SLCO1A2: variants seen among roughly 807,000 people sequenced by gnomAD.
SLCO1A2 encodes the protein OATP-1.
Under a neutral mutation model 69.0 loss-of-function variants are expected in SLCO1A2, and 67 were observed. The observed-to-expected ratio is 0.97, with a 90% CI of 0.80 to 1.19. The LOEUF (loss-of-function observed/expected upper bound fraction) is 1.19, where lower values mean the gene tolerates loss of function less well. Ranked by LOEUF, SLCO1A2 falls within the 50% of genes most tolerant of loss-of-function variation. The pLI is 0.00. For synonymous variants in SLCO1A2, 260 were observed against 265.9 expected, an observed-to-expected ratio of 0.98 and a Z score of 0.22; for missense variants, 787 against 793.7, an observed-to-expected ratio of 0.99 and a Z score of 0.10.
chr12:21,303,171 T>G (rs189803749), intron 6 of SLCO1A2, among the ~76,000 whole-genome samples: 1 of 152,214 alleles, frequency 6.6e-6, no homozygotes, highest in East Asian at 1.9e-4. Context: ...GTACTAATAA[T>G]TATGTAGTTC....
upstream of SLCO1A2, among the ~76,000 whole-genome samples, chr12:21,418,592 T>G (rs1478184964): frequency 2.0e-5 from 3 of 152,092 alleles, no homozygotes; most frequent in Non-Finnish European, 4.4e-5. Flanking sequence ...GGAAAACCCC[T>G]TATAAAACCA....
chr12:21,305,139 G>A (rs1033520992), intron 5 of SLCO1A2, among the ~76,000 whole-genome samples: 1 of 152,226 alleles, frequency 6.6e-6, no homozygotes, highest in African/African-American at 2.4e-5. Flanking sequence ...TATAGAGCAT[G>A]TTGTATACTG....
intron 2 of SLCO1A2, among the ~76,000 whole-genome samples, chr12:21,321,112 A>G (rs1951558172): frequency 6.6e-6 from 1 of 152,158 alleles, no homozygotes; most frequent in Non-Finnish European, 1.5e-5. Flanking sequence ...CTATGTCTGA[A>G]TTACCATCTT....
chr12:21,405,990 C>A (rs966204766), intron 1 of SLCO1A2, among the ~76,000 whole-genome samples: 5 of 152,184 alleles, frequency 3.3e-5, no homozygotes, highest in African/African-American at 1.2e-4. Context: ...TGAGCACCTA[C>A]TCCATGCCAA....
intron 14 of SLCO1A2, among the ~76,000 whole-genome samples, chr12:21,273,742 A>AGAGAT (rs1279346101): frequency 6.6e-6 from 1 of 152,178 alleles, no homozygotes; most frequent in African/African-American, 2.4e-5. Context: ...GAATAGATGC[A>AGAGAT]GAGATGAATC....
chr12:21,339,285 T>C (rs532828802), upstream of SLCO1A2, among the ~76,000 whole-genome samples: 2 of 152,090 alleles, frequency 1.3e-5, no homozygotes, highest in African/African-American at 4.8e-5. Flanking sequence ...AGTTAAGTGA[T>C]GATGATAGCT....
chr12:21,392,309 C>T (rs1347332219), intron 1 of SLCO1A2, among the ~76,000 whole-genome samples: 8 of 152,204 alleles, frequency 5.3e-5, no homozygotes, highest in Non-Finnish European at 1.5e-5. Context: ...CTCTGGGTAA[C>T]CCATCGCTGG....
chr12:21,275,513 C>T, intron 12 of SLCO1A2, 89 bp from the exon 13 acceptor site: 1 of 1,240,926 alleles, frequency 8.1e-7, no homozygotes, highest in Non-Finnish European at 1.0e-6. Context: ...AAGCTAGTCA[C>T]ACATAATGAA....
chr12:21,406,662 C>G (rs952238906), intron 1 of SLCO1A2, among the ~76,000 whole-genome samples: 2 of 152,180 alleles, frequency 1.3e-5, no homozygotes, highest in African/African-American at 4.8e-5. Context: ...CCCACTTTTA[C>G]AGATAGGACA....
intron 1 of SLCO1A2, among the ~76,000 whole-genome samples, chr12:21,407,235 G>C (rs1017632892): frequency 1.6e-4 from 24 of 152,144 alleles, no homozygotes; most frequent in African/African-American, 5.8e-4. Flanking sequence ...TAGAGACAGA[G>C]CCCTTCAAGC....
chr12:21,290,559 G>T (rs145151238), intron 12 of SLCO1A2, among the ~76,000 whole-genome samples: 2 of 151,980 alleles, frequency 1.3e-5, no homozygotes, highest in Non-Finnish European at 2.9e-5. Flanking sequence ...GAAAAAGGAC[G>T]TATTATATAC....
rs569224454 is a variant in SLCO1A2, at chr12:21,414,279, C to CTT, written c.-312+3601_-312+3602dup. Reference sequence around the variant, plus strand: ...AGGATTGAGCCACTGCGTCCAGCCTCTTTTTTTTTTTTTAATTTCTTCTTT... The same window carrying CTT: ...AGGATTGAGCCACTGCGTCCAGCCTCTTTTTTTTTTTTTTTAATTTCTTCTTT... On this transcript the variant is annotated intron_variant, in intron 1 of 4. Transcript: ENST00000413682. Among the ~76,000 whole-genome samples, 649 of 146,352 alleles carry CTT rather than the reference C, an allele frequency of 4.4e-3. 7 individuals carry two copies. The highest frequency in any genetic ancestry group is 0.018 in the Middle Eastern group (5 of 280).
intron 1 of SLCO1A2, among the ~76,000 whole-genome samples, chr12:21,389,763 A>G (rs1014376275): frequency 2.0e-5 from 3 of 151,918 alleles, no homozygotes; most frequent in Non-Finnish European, 2.9e-5. Context: ...CACAAATGGC[A>G]TAAGTGCCAC....
intron 2 of SLCO1A2, among the ~76,000 whole-genome samples, chr12:21,365,043 C>T (rs1445506980): frequency 6.6e-6 from 1 of 152,184 alleles, no homozygotes; most frequent in African/African-American, 2.4e-5. Flanking sequence ...TTGGAAAAAA[C>T]TACTTTAAAG....
intron 1 of SLCO1A2, among the ~76,000 whole-genome samples, chr12:21,405,105 C>T: frequency 6.7e-6 from 1 of 148,718 alleles, no homozygotes; most frequent in African/African-American, 2.5e-5. Context: ...ATTTAAGTTC[C>T]TTGTAGAGTC....
At chr12:21,366,282 A>G (rs1472966805) in intron 2 of SLCO1A2, among the ~76,000 whole-genome samples, 1 of 152,046 alleles carries the variant, frequency 6.6e-6, no homozygotes, top group Non-Finnish European at 1.5e-5. Flanking sequence ...CATCATTCTG[A>G]GCAAAGTATC....
intron 5 of SLCO1A2, 23 bp from the exon 6 acceptor site, chr12:21,304,596 G>C (rs1390381324): frequency 6.3e-7 from 1 of 1,578,160 alleles, no homozygotes; most frequent in Admixed American, 1.9e-5. Flanking sequence ...AAAAAGACAT[G>C]ACATTAGTGC....
At chr12:21,387,801 C>T (rs576711042) in intron 1 of SLCO1A2, among the ~76,000 whole-genome samples, 9 of 152,218 alleles carry the variant, frequency 5.9e-5, no homozygotes, top group East Asian at 1.9e-4. Flanking sequence ...GTAGATCCAC[C>T]GACAGCTTGC....
chr12:21,275,392 A>T lies in SLCO1A2; in HGVS notation c.1643T>A (p.Val548Glu). The change falls in exon 13 of 15, where the codon GTG (valine) becomes GAG (glutamate). Residue 548 changes from valine (V) to glutamate (E), a missense_variant. By Grantham distance (121) the Val-to-Glu change is moderately radical. Transcript: ENST00000683939. ...TCTTGTGCAAAATGTATGTAATCCC[A>T]CACCAAGGGACTTCTCTTCAGATTT... ...CMKSEEKSLG[V>E]GLHTFCTRVF... The T allele has an allele frequency of 6.5e-7, 1 of 1,536,414 alleles. No homozygotes were observed. Among genetic ancestry groups the T allele is most frequent in the Non-Finnish European group, 8.8e-7 (1 of 1,134,492 alleles).
Sources: allele counts gnomAD v4.1 joint callset (sites outside exome capture counted in the v4.1 genomes callset), GRCh38; gene constraint gnomAD v4.1.1; transcripts MANE v1.5; gene names NCBI Gene and HGNC (gene_info 2026-07-23, HGNC 2026-07-21).